Variants in AIMP1 observed in about 807,000 individuals in gnomAD.
AIMP1 encodes aminoacyl tRNA synthetase complex interacting multifunctional protein 1.
AIMP1 carries 24 observed loss-of-function variants against 33.1 expected under a neutral mutation model. The observed-to-expected ratio is 0.73, with a 90% CI of 0.53 to 1.02. AIMP1 has a LOEUF of 1.02. AIMP1 is among the 50% of genes least tolerant of loss of function. The pLI, the probability that AIMP1 is intolerant of heterozygous loss-of-function variation, is 0.00. For missense variants in AIMP1, 367 were observed against 364.8 expected (o/e 1.01, Z -0.05); for synonymous variants, 120 against 121.5 (o/e 0.99, Z 0.08).
chr4:106,333,216 G>C (rs1001737243), intron 5 of AIMP1, among the ~76,000 whole-genome samples: 1 of 152,016 alleles, frequency 6.6e-6, no homozygotes, highest in Admixed American at 6.5e-5. Context: ...GAAGAGACTC[G>C]AGTATCTTTT....
At position 106,339,467 on chromosome 4, in the gene AIMP1, C is replaced by T. The variant is rs541982557; in HGVS notation, c.772+2430C>T. ...TTTATAAAAGGGCAATTCCCCTACA[C>T]GTGCTCTCTTGCCTGCTGCCATGTA... is the stretch of plus-strand genomic sequence containing the variant. On this transcript the variant is annotated intron_variant, in intron 6 of 6. Coordinates refer to ENST00000672341, the MANE Select transcript of AIMP1 (RefSeq NM_001142416.2). Among the ~76,000 whole-genome samples, 93 of 152,264 alleles carry T rather than the reference C, an allele frequency of 6.1e-4. 4 individuals are homozygous for T. The highest frequency in any genetic ancestry group is 1.8e-3 in the Admixed American group (27 of 15,298).
chr4:106,316,548 A>T (rs1001991896), upstream of AIMP1: 8 of 1,551,422 alleles, frequency 5.2e-6, no homozygotes, highest in Non-Finnish European at 6.1e-6. Flanking sequence ...CTGGACCTAC[A>T]TGCTTCCTGC....
intron 1 of AIMP1, among the ~76,000 whole-genome samples, chr4:106,322,380 A>T (rs996709683): frequency 1.3e-5 from 2 of 152,202 alleles, no homozygotes; most frequent in African/African-American, 4.8e-5. Context: ...AAGGGTATAT[A>T]TACCCATGTT....
chr4:106,347,445 T>G (rs1415750036), intron 6 of AIMP1, 81 bp from the exon 7 acceptor site: 7 of 1,331,038 alleles, frequency 5.3e-6, no homozygotes, highest in African/African-American at 1.5e-5. Flanking sequence ...AACAATTCAC[T>G]GGAAATCTCT....
rs1373438059 is a variant in AIMP1, at chr4:106,348,755, G to A, written c.*1063G>A. ...AGGGAGTGTGGATAGGGGAGGGCTG[G>A]TAGCTAACAAGGGGCCTCACAGAGA... On this transcript the variant is annotated 3_prime_UTR_variant, in exon 7 of 7. Transcript: ENST00000672341. The A allele has an allele frequency of 2.0e-5, 3 of 152,196 alleles. No individual in the cohort carries two copies. The highest frequency in any genetic ancestry group is 2.9e-5 in the Non-Finnish European group (2 of 68,002). The allele number at this position is 152,196 out of a possible 1,614,324, so 9.4% of individuals were successfully genotyped here.
intron 1 of AIMP1, among the ~76,000 whole-genome samples, chr4:106,321,860 C>A (rs1561021990): frequency 2.0e-5 from 3 of 152,334 alleles, no homozygotes; most frequent in Non-Finnish European, 4.4e-5. Context: ...AAGAAAAATT[C>A]TTCTGCCTTG....
chr4:106,327,565 G>T lies in AIMP1; in HGVS notation c.223+1G>T. 1.9e-6 allele frequency: 3 copies of T among 1,602,162 alleles called. No individual in the cohort carries two copies. The highest frequency in any genetic ancestry group is 2.6e-6 in the Non-Finnish European group (3 of 1,170,384). Reference sequence around the variant, plus strand: ...ATTCAGGCAGAAATTCAAAATGGAGGTAATTAAATATAGAAAATTTGAGTA... The same window carrying T: ...ATTCAGGCAGAAATTCAAAATGGAGTTAATTAAATATAGAAAATTTGAGTA... On this transcript the variant is annotated splice_donor_variant, in intron 3 of 6. Transcript: ENST00000672341. LOFTEE classifies it high-confidence loss of function.
intron 2 of AIMP1, among the ~76,000 whole-genome samples, chr4:106,326,118 T>C (rs966003923): frequency 6.6e-6 from 1 of 152,118 alleles, no homozygotes; most frequent in Non-Finnish European, 1.5e-5. Context: ...TTCAAACTGA[T>C]GAGTGATTGA....
chr4:106,318,151 T>C (rs1458731413), intron 1 of AIMP1, among the ~76,000 whole-genome samples: 6 of 152,120 alleles, frequency 3.9e-5, no homozygotes, highest in African/African-American at 1.4e-4. Context: ...AATAGGAACT[T>C]CCATAAAAAA....
intron 1 of AIMP1, among the ~76,000 whole-genome samples, chr4:106,320,561 A>G (rs543974050): frequency 6.6e-6 from 1 of 152,242 alleles, no homozygotes; most frequent in East Asian, 1.9e-4. Context: ...CTGGAAAAGA[A>G]AGCTATCCCT....
chr4:106,324,934 A>G, intron 1 of AIMP1, 51 bp from the exon 2 acceptor site: 2 of 1,469,678 alleles, frequency 1.4e-6, no homozygotes, highest in Non-Finnish European at 9.2e-7. Context: ...GGCCTATAGT[A>G]TAAATTTATT....
chr4:106,315,962 G>C (rs369944338), upstream of AIMP1: 12 of 152,594 alleles, frequency 7.9e-5, no homozygotes, highest in African/African-American at 2.9e-4. Flanking sequence ...CAAGCACAAA[G>C]ACAAGGGGGA....
chr4:106,327,303 A>C, intron 2 of AIMP1, 148 bp from the exon 3 acceptor site: 1 of 582,116 alleles, frequency 1.7e-6, no homozygotes, highest in East Asian at 3.1e-5. Flanking sequence ...ATAAATATTA[A>C]ACTGGCATAA....
At position 106,349,212 on chromosome 4, in the gene AIMP1, C is replaced by A. The variant is rs957295874; in HGVS notation, c.*1520C>A. 1 of 151,870 alleles carries A rather than the reference C, an allele frequency of 6.6e-6. No homozygotes were observed. The highest frequency in any genetic ancestry group is 6.6e-5 in the Admixed American group (1 of 15,220). The allele number at this position is 151,870 out of a possible 1,614,324, so 9.4% of individuals were successfully genotyped here. A position where few individuals can be genotyped will look rare whatever the true frequency, so the allele number is the denominator to read the frequency against. ...TATGTCATTCTTTTGGGAATAAATA[C>A]TTCTGGTGACAAAGTCTTTTGTGAG... On this transcript the variant is annotated 3_prime_UTR_variant, in exon 7 of 7. Coordinates refer to ENST00000672341, the MANE Select transcript of AIMP1 (RefSeq NM_001142416.2).
At chr4:106,346,178 A>C (rs1770288945) in intron 6 of AIMP1, among the ~76,000 whole-genome samples, 2 of 152,032 alleles carry the variant, frequency 1.3e-5, no homozygotes, top group Admixed American at 1.3e-4. Context: ...CTTATATTAA[A>C]CTTTACTCTC....
At chr4:106,346,242 C>T (rs1770292379) in intron 6 of AIMP1, among the ~76,000 whole-genome samples, 1 of 151,974 alleles carries the variant, frequency 6.6e-6, no homozygotes, top group African/African-American at 2.4e-5. Context: ...TGTCTTTAAG[C>T]CTAGACCAGA....
chr4:106,331,804 A>T lies in AIMP1; in HGVS notation c.524A>T (p.Tyr175Phe). The T allele has an allele frequency of 6.2e-7, 1 of 1,614,160 alleles. No homozygotes were observed. Among genetic ancestry groups the T allele is most frequent in the Non-Finnish European group, 8.5e-7 (1 of 1,179,994 alleles). The change falls in exon 5 of 7, where the codon TAT (tyrosine) becomes TTT (phenylalanine). Residue 175 changes from tyrosine to phenylalanine, a missense_variant. Tyr to Phe is a conservative substitution (Grantham distance 22). Coordinates refer to ENST00000672341, the MANE Select transcript of AIMP1 (RefSeq NM_001142416.2). ...ARKHPDADSLYVEEVDVGEIA... is the reference protein window; with the variant it reads ...ARKHPDADSLFVEEVDVGEIA... ...AAACACCCTGATGCAGATTCTTTGT[A>T]TGTGGAAGAAGTAGATGTCGGAGAA...
intron 4 of AIMP1, among the ~76,000 whole-genome samples, chr4:106,329,224 C>T (rs1174035220): frequency 6.6e-6 from 1 of 152,106 alleles, no homozygotes; most frequent in Non-Finnish European, 1.5e-5. Context: ...GGTATGATTA[C>T]AATGAAAGCA....
chr4:106,316,549 T>G, upstream of AIMP1: 1 of 1,551,674 alleles, frequency 6.4e-7, no homozygotes, highest in Non-Finnish European at 8.7e-7. Context: ...TGGACCTACA[T>G]GCTTCCTGCT....
Sources: allele counts gnomAD v4.1 joint callset (sites outside exome capture counted in the v4.1 genomes callset), GRCh38; gene constraint gnomAD v4.1.1; transcripts MANE v1.5; gene names NCBI Gene and HGNC (gene_info 2026-07-23, HGNC 2026-07-21).